The following STX7 variants were observed in gnomAD, a reference collection of about 807,000 sequenced individuals.
STX7 encodes syntaxin 7, also known as syntaxin-7.
Under a neutral mutation model 39.6 loss-of-function variants are expected in STX7, and 34 were observed. The observed-to-expected ratio is 0.86, with a 90% CI of 0.65 to 1.14. The LOEUF is 1.14. Ranked by LOEUF, STX7 falls within the 50% of genes most tolerant of loss-of-function variation. The probability of loss-of-function intolerance (pLI) is 0.00; values close to 1 mark genes in which losing one functional copy is unlikely to be tolerated. For synonymous variants in STX7, 119 were observed against 99.1 expected (o/e 1.20, Z -1.19); for missense variants, 284 against 310.4 (o/e 0.92, Z 0.64).
chr6:132,466,353 T>C (rs1317947041), intron 8 of STX7, among the ~76,000 whole-genome samples: 1 of 152,118 alleles, frequency 6.6e-6, no homozygotes, highest in East Asian at 1.9e-4. Context: ...CCTTAGTCTT[T>C]TTATTTGTTC....
At chr6:132,477,403 T>C (rs1048748476) in intron 2 of STX7, among the ~76,000 whole-genome samples, 4 of 152,048 alleles carry the variant, frequency 2.6e-5, no homozygotes, top group Non-Finnish European at 5.9e-5. Context: ...TATTGTTCTT[T>C]AGGAAAAAAT....
In STX7 at chr6:132,464,060, T is replaced by C. The variant is rs762768849; in HGVS notation, c.626A>G (p.Asn209Ser). ...AACGTGCACCTCTGCATTTTCCACA[T>C]TGGCTTCTATGCTATCTGTAAAATA... ...QGDVIDSIEA[N>S]VENAEVHVQQ... Residue 209 changes from asparagine (N) to serine (S), a missense_variant, in exon 9 of 10, where the codon AAT becomes AGT. By Grantham distance (46) the Asn-to-Ser change is conservative (BLOSUM62 1). Coordinates refer to ENST00000367941, the MANE Select transcript of STX7 (RefSeq NM_003569.3). 8.1e-6 allele frequency: 13 copies of C among 1,613,924 alleles called. No individual in the cohort carries two copies. Among genetic ancestry groups the C allele is most frequent in the African/African-American group, 2.7e-5 (2 of 74,906 alleles).
intron 2 of STX7, among the ~76,000 whole-genome samples, chr6:132,492,453 T>C (rs1272607742): frequency 1.3e-5 from 2 of 152,238 alleles, no homozygotes; most frequent in African/African-American, 4.8e-5. Flanking sequence ...GTTCACTCCA[T>C]AAAGGCAGGT....
At chr6:132,492,311 T>C (rs1418634323) in intron 2 of STX7, among the ~76,000 whole-genome samples, 4 of 152,248 alleles carry the variant, frequency 2.6e-5, no homozygotes, top group Non-Finnish European at 5.9e-5. Flanking sequence ...ACCCTATTTA[T>C]CAAATGCAAA....
rs540498069 is a variant in STX7, at chr6:132,455,845, AG to A, written c.*4912del. 89 of 152,374 alleles carry A rather than the reference AG, an allele frequency of 5.8e-4. No individual in the cohort carries two copies. The highest frequency in any genetic ancestry group is 2.1e-3 in the African/African-American group (87 of 41,600). 9.4% of individuals were successfully genotyped at this position (152,374 alleles called of 1,614,324 possible). A position where few individuals can be genotyped will look rare whatever the true frequency, so the allele number is the denominator to read the frequency against. ...TTGAATAATGAGAAAATGGGCCAAT[AG>A]GAAGATTTTCTTCTTTATTCCTATT... On this transcript the variant is annotated 3_prime_UTR_variant, in exon 10 of 10. Coordinates refer to ENST00000367941, the MANE Select transcript of STX7 (RefSeq NM_003569.3).
Position 132,448,209 on chromosome 6 carries a change from T to C in STX7, c.*12549A>G, listed in dbSNP as rs952124459. On this transcript the variant is annotated 3_prime_UTR_variant, in exon 10 of 10. Transcript: ENST00000367941. ...TGAGTTATGTAAAATGTTGCTAGTA[T>C]TTTAATTACGCTCTTTTTTACTCCA... 2 of 152,212 alleles carry C rather than the reference T, an allele frequency of 1.3e-5. No homozygotes were observed. Among genetic ancestry groups the C allele is most frequent in the African/African-American group, 4.8e-5 (2 of 41,454 alleles). The allele number at this position is 152,212 out of a possible 1,614,324, so 9.4% of individuals were successfully genotyped here.
intron 2 of STX7, among the ~76,000 whole-genome samples, chr6:132,489,154 T>C (rs984714345): frequency 3.5e-5 from 5 of 144,822 alleles, no homozygotes; most frequent in Non-Finnish European, 4.4e-5. Context: ...TGAGCCAAGA[T>C]TGTGCCACTG....
intron 9 of STX7, 143 bp downstream of exon 9, chr6:132,463,850 A>C (rs1332315666): frequency 2.6e-6 from 2 of 759,848 alleles, no homozygotes; most frequent in Non-Finnish European, 4.4e-6. Flanking sequence ...GTATTATTTA[A>C]ACAGACTTCT....
chr6:132,472,462 C>A, intron 3 of STX7, 87 bp from the exon 4 acceptor site: 1 of 1,006,132 alleles, frequency 9.9e-7, no homozygotes, highest in South Asian at 2.0e-5. Context: ...CACTGATAAA[C>A]AGTTGTACAA....
intron 2 of STX7, among the ~76,000 whole-genome samples, chr6:132,495,996 T>C (rs1367236408): frequency 6.6e-6 from 1 of 152,172 alleles, no homozygotes; most frequent in East Asian, 1.9e-4. Flanking sequence ...ATGAAACAAG[T>C]GAAGATTCAA....
chr6:132,477,864 A>T (rs1399813578), intron 2 of STX7, among the ~76,000 whole-genome samples: 2 of 152,236 alleles, frequency 1.3e-5, no homozygotes, highest in Non-Finnish European at 2.9e-5. Flanking sequence ...ACAACAGCCC[A>T]GTAAAAAATG....
intron 2 of STX7, among the ~76,000 whole-genome samples, chr6:132,490,090 A>G (rs1318610373): frequency 6.6e-6 from 1 of 152,230 alleles, no homozygotes; most frequent in African/African-American, 2.4e-5. Flanking sequence ...CTGGAATCAG[A>G]AGCAACAACG....
At position 132,448,865 on chromosome 6, in the gene STX7, GTCAA is replaced by G. The variant is rs1488973552; in HGVS notation, c.*11889_*11892del. On this transcript the variant is annotated 3_prime_UTR_variant, in exon 10 of 10. Coordinates refer to ENST00000367941, the MANE Select transcript of STX7 (RefSeq NM_003569.3). Reference sequence around the variant, plus strand: ...AAAAAAAAAAAAAAAAAAAAGGTCTGTCAATTCGTTATTCCTTTAAAAGTGGATA... The same window carrying G: ...AAAAAAAAAAAAAAAAAAAAGGTCTGTTCGTTATTCCTTTAAAAGTGGATA... 2 of 145,402 alleles carry G rather than the reference GTCAA, an allele frequency of 1.4e-5. No homozygotes were observed. Among genetic ancestry groups the G allele is most frequent in the Admixed American group, 1.4e-4 (2 of 14,484 alleles). 9.0% of individuals were successfully genotyped at this position (145,402 alleles called of 1,614,324 possible). A position where few individuals can be genotyped will look rare whatever the true frequency, so the allele number is the denominator to read the frequency against.
In STX7 at chr6:132,481,334, G is replaced by A. The variant is rs568066061; in HGVS notation, c.86-5672C>T. On this transcript the variant is annotated intron_variant, in intron 2 of 9. Transcript: ENST00000367941. ...CACCACAGAGCCAATCTTTGGAGGGGGAAAAAAACTGGTTGCTAAAGCAAC... is the reference window on the plus strand; with the variant it reads ...CACCACAGAGCCAATCTTTGGAGGGAGAAAAAAACTGGTTGCTAAAGCAAC... Among the ~76,000 whole-genome samples the A allele has an allele frequency of 2.6e-5, 4 of 151,734 alleles. No homozygotes were observed. In the South Asian group the frequency reaches 8.4e-4, roughly 32 times the overall value.
intron 2 of STX7, among the ~76,000 whole-genome samples, chr6:132,485,199 T>A (rs1775104501): frequency 6.6e-6 from 1 of 152,186 alleles, no homozygotes; most frequent in African/African-American, 2.4e-5. Flanking sequence ...CCTTCCCCCC[T>A]CCATCACCAA....
At position 132,468,471 on chromosome 6, in the gene STX7, T is replaced by C. The variant is rs777889796; in HGVS notation, c.542A>G (p.Asp181Gly). 2 of 1,599,696 alleles carry C rather than the reference T, an allele frequency of 1.3e-6. No individual in the cohort carries two copies. Among genetic ancestry groups the C allele is most frequent in the South Asian group, 2.2e-5 (2 of 90,218 alleles). Residue 181 changes from aspartate (D) to glycine (G), a missense_variant, in exon 8 of 10, where the codon GAT (aspartate) becomes GGT (glycine). By Grantham distance (94) the Asp-to-Gly change is moderately conservative. Transcript: ENST00000367941. ...AAATATTTCATTAATATCCATAATA[T>C]CAGCCTAAGAGAAAACGCATATATT... ...RESSIRQLEA[D>G]IMDINEIFKD...
intron 8 of STX7, among the ~76,000 whole-genome samples, chr6:132,465,901 T>C (rs1774553651): frequency 1.3e-5 from 2 of 152,180 alleles, no homozygotes; most frequent in South Asian, 2.1e-4. Context: ...CCTCTCTCTC[T>C]TACTTATCAT....
chr6:132,497,013 C>T (rs1484276663), intron 2 of STX7, among the ~76,000 whole-genome samples: 10 of 152,154 alleles, frequency 6.6e-5, no homozygotes. Context: ...TCTGGTACAA[C>T]CACTTTAGGA....
rs547580888 is a variant in STX7 at position 132,503,547 on chromosome 6, C to T, written c.-17G>A. On this transcript the variant is annotated 5_prime_UTR_variant, in exon 2 of 10. Transcript: ENST00000367941. Reference sequence around the variant, plus strand: ...GTAAGACATGGTTGATGTTCTTATTCGCTAATTTCATCAGATGCTGTGCAG... The same window carrying T: ...GTAAGACATGGTTGATGTTCTTATTTGCTAATTTCATCAGATGCTGTGCAG... 1.2e-5 allele frequency: 20 copies of T among 1,606,448 alleles called. No individual in the cohort carries two copies. Among genetic ancestry groups the T allele is most frequent in the East Asian group, 6.7e-5 (3 of 44,794 alleles).
Sources: allele counts gnomAD v4.1 joint callset (sites outside exome capture counted in the v4.1 genomes callset), GRCh38; gene constraint gnomAD v4.1.1; transcripts MANE v1.5; gene names NCBI Gene and HGNC (gene_info 2026-07-23, HGNC 2026-07-21).